Variants in PKD1 observed in about 807,000 individuals in gnomAD.
PKD1 encodes the protein polycystin-1.
A neutral mutation model predicts 361.7 loss-of-function variants in PKD1; 81 were observed. The ratio of observed to expected loss-of-function variants is 0.22; its 90% CI spans 0.19 to 0.27. The LOEUF is 0.27. PKD1 is among the 10% of genes least tolerant of loss of function. The probability of loss-of-function intolerance (pLI) is 1.00; values close to 1 mark genes in which losing one functional copy is unlikely to be tolerated. For synonymous variants in PKD1, 3,615 were observed against 2,818.3 expected (o/e 1.28, Z -8.95); for missense variants, 6,399 against 6,118.3 (o/e 1.05, Z -1.53).
At position 2,108,908 on chromosome 16, in the gene PKD1, G is replaced by C; in HGVS notation, c.6259C>G (p.Pro2087Ala). 6.3e-7 allele frequency: 1 copy of C among 1,586,114 alleles called. No individual in the cohort carries two copies. Among genetic ancestry groups the C allele is most frequent in the Non-Finnish European group, 8.6e-7 (1 of 1,167,926 alleles). ...TCCCAGTGGTAGGCCACACGCCGGGGGCTGGGGCTGGTGGCGGCCTCAAAC... is the reference window on the plus strand; with the variant it reads ...TCCCAGTGGTAGGCCACACGCCGGGCGCTGGGGCTGGTGGCGGCCTCAAAC... ...AQFEAATSPS[P>A]RRVAYHWDFG... The change falls in exon 15 of 46, where the codon CCC (proline) becomes GCC (alanine). Residue 2087 changes from proline to alanine, a missense_variant. Transcript: ENST00000262304.
intron 34 of PKD1, among the ~76,000 whole-genome samples, chr16:2,096,576 C>T (rs939990492): frequency 2.0e-5 from 3 of 152,014 alleles, no homozygotes; most frequent in South Asian, 2.1e-4. Flanking sequence ...AGTGCAGTGG[C>T]GCGATCTCGG....
rs1339105279 is a variant in PKD1 at position 2,114,814 on chromosome 16, C to T, written c.2209G>A (p.Gly737Ser). The change falls in exon 11 of 46, where the codon GGT (glycine) becomes AGT (serine). Residue 737 changes from glycine to serine, a missense_variant. By Grantham distance (56) the Gly-to-Ser change is moderately conservative. Coordinates refer to ENST00000262304, the MANE Select transcript of PKD1 (RefSeq NM_001009944.3). The part of the protein sequence containing the change: ...LHCSPAPGHP[G>S]PRAPYLSANA... ...GCGGAGAGGTACGGGGCCCGGGGAC[C>T]AGGGTGGCCGGGAGCCGGCGAGCAG... 1 of 1,056,404 alleles carries T rather than the reference C, an allele frequency of 9.5e-7. No homozygotes were observed. The highest frequency in any genetic ancestry group is 2.0e-5 in the Admixed American group (1 of 49,878). The allele number at this position is 1,056,404 out of a possible 1,614,324, so 65.4% of individuals were successfully genotyped here. A position where few individuals can be genotyped will look rare whatever the true frequency, so the allele number is the denominator to read the frequency against.
Position 2,115,588 on chromosome 16 carries a change from G to T in PKD1, c.1887C>A (p.Ser629=). 6.3e-7 allele frequency: 1 copy of T among 1,595,454 alleles called. No homozygotes were observed. The highest frequency in any genetic ancestry group is 2.2e-5 in the East Asian group (1 of 44,640). ...GGGCCAGCTGGGTCCTGTTGTCCGG[G>T]GACCTGCTCTCAGGCTCGCTGCCGT... ...PENGSEPESR[S]PDNRTQLAPA... The change falls in exon 10 of 46, where the codon TCC becomes TCA. Residue 629 remains serine (S), a synonymous_variant. Transcript: ENST00000262304.
rs2092421676 is a variant in PKD1 at position 2,108,619 on chromosome 16, G to C, written c.6548C>G (p.Thr2183Ser). Residue 2183 changes from threonine (T) to serine (S), a missense_variant, in exon 15 of 46, where the codon ACT becomes AGT. Coordinates refer to ENST00000262304, the MANE Select transcript of PKD1 (RefSeq NM_001009944.3). ...VDLRDCVTYQ[T>S]EYRWEVYRTA... ...GCGATACACCTCCCAGCGGTACTCA[G>C]TCTGGTAGGTGACGCAGTCGCGCAG... 2 of 1,559,642 alleles carry C rather than the reference G, an allele frequency of 1.3e-6. No homozygotes were observed. The highest frequency in any genetic ancestry group is 8.7e-7 in the Non-Finnish European group (1 of 1,152,776).
Position 2,111,676 on chromosome 16 carries a change from C to T in PKD1, c.3491G>A (p.Gly1164Glu). 1 of 1,577,316 alleles carries T rather than the reference C, an allele frequency of 6.3e-7. No homozygotes were observed. Among genetic ancestry groups the T allele is most frequent in the Non-Finnish European group, 8.6e-7 (1 of 1,163,050 alleles). Reference protein sequence around the residue: ...PGGVLYTWDFGDGSPVLTQSQ... With the variant: ...PGGVLYTWDFEDGSPVLTQSQ... Reference sequence around the variant, plus strand: ...CTGGGTCAGGACAGGGGAGCCGTCCCCGAAGTCCCACGTGTAAAGAACACC... The same window carrying T: ...CTGGGTCAGGACAGGGGAGCCGTCCTCGAAGTCCCACGTGTAAAGAACACC... Residue 1164 changes from glycine to glutamate, a missense_variant, in exon 15 of 46, where the codon GGG (glycine) becomes GAG (glutamate). Coordinates refer to ENST00000262304, the MANE Select transcript of PKD1 (RefSeq NM_001009944.3).
Position 2,090,871 on chromosome 16 carries a change from G to A in PKD1, c.12003+13C>T, listed in dbSNP as rs748586150. 1.2e-4 allele frequency: 187 copies of A among 1,605,946 alleles called. 1 individual carries two copies. Among genetic ancestry groups the A allele is most frequent in the Non-Finnish European group, 1.4e-4 (169 of 1,179,662 alleles). Reference sequence around the variant, plus strand: ...TGTGCGCCCAGCCCCGCGCCCACCGGCCCAGCCCTCACCTTGACCAAAAGC... The same window carrying A: ...TGTGCGCCCAGCCCCGCGCCCACCGACCCAGCCCTCACCTTGACCAAAAGC... On this transcript the variant is annotated intron_variant, in intron 43 of 45. Transcript: ENST00000262304.
chr16:2,089,494 G>C lies in PKD1; in HGVS notation c.*233C>G, dbSNP rs1339480270. 5 of 592,268 alleles carry C rather than the reference G, an allele frequency of 8.4e-6. No individual in the cohort carries two copies. The highest frequency in any genetic ancestry group is 1.5e-5 in the Non-Finnish European group (5 of 332,194). The allele number at this position is 592,268 out of a possible 1,614,324, so 36.7% of individuals were successfully genotyped here. A position where few individuals can be genotyped will look rare whatever the true frequency, so the allele number is the denominator to read the frequency against. ...ATTAGCATCTCAGAGGCTAGAAACC[G>C]TCCAATACTGCTGTGTCCTTCCCAA... On this transcript the variant is annotated 3_prime_UTR_variant, in exon 46 of 46. Transcript: ENST00000262304.
chr16:2,107,748 G>A (rs1049189381), intron 16 of PKD1, 135 bp downstream of exon 16: 13 of 827,020 alleles, frequency 1.6e-5, no homozygotes, highest in Middle Eastern at 3.4e-4. Context: ...AGGCTGTCGT[G>A]TTACATAGAA....
intron 34 of PKD1, 39 bp from the exon 35 acceptor site, chr16:2,094,249 C>CA: frequency 7.6e-7 from 1 of 1,316,938 alleles, no homozygotes; most frequent in East Asian, 2.3e-5. Context: ...TCCCGGCCTC[C>CA]AGGAGGCAGT....
intron 42 of PKD1, 48 bp downstream of exon 42, chr16:2,091,375 G>C (rs1236835488): frequency 9.6e-7 from 1 of 1,043,116 alleles, no homozygotes; most frequent in Non-Finnish European, 1.2e-6. Context: ...GCGAGGGGGC[G>C]GGACGCTGCC....
intron 37 of PKD1, 126 bp from the exon 38 acceptor site, chr16:2,093,219 C>A: frequency 8.7e-7 from 1 of 1,152,692 alleles, no homozygotes; most frequent in Non-Finnish European, 1.3e-6. Context: ...CAGGGGGCGC[C>A]CCAAGACTCT....
At position 2,103,626 on chromosome 16, in the gene PKD1, C is replaced by T; in HGVS notation, c.8431G>A (p.Ala2811Thr). 6.2e-7 allele frequency: 1 copy of T among 1,610,484 alleles called. No individual in the cohort carries two copies. Among genetic ancestry groups the T allele is most frequent in the Non-Finnish European group, 8.5e-7 (1 of 1,179,724 alleles). Residue 2811 changes from alanine (A) to threonine (T), a missense_variant, in exon 23 of 46, where the codon GCT becomes ACT. Transcript: ENST00000262304. The stretch of plus-strand genomic sequence containing the variant: ...AGGTTGGCCAGGGCCCCGCTGAAAG[C>T]CTCGGGGATGGAGAAGTGGCAGCCA... ...GPGCHFSIPE[A>T]FSGALANLSD...
chr16:2,097,612 G>C lies in PKD1; in HGVS notation c.10221-109C>G, dbSNP rs1419574295. 1.7e-5 allele frequency: 27 copies of C among 1,610,126 alleles called. No individual in the cohort carries two copies. In the African/African-American group the frequency reaches 2.1e-4, roughly 13 times the overall value. On this transcript the variant is annotated intron_variant, in intron 32 of 45. Coordinates refer to ENST00000262304, the MANE Select transcript of PKD1 (RefSeq NM_001009944.3). ...GGGCTTCCGAGCAAACCTGCTCCCG[G>C]GTGGTGTGACCACATGGAGCCACAG...
rs145583387 is a variant in PKD1 at position 2,109,725 on chromosome 16, G to T, written c.5442C>A (p.Gly1814=). 1 of 1,607,010 alleles carries T rather than the reference G, an allele frequency of 6.2e-7. No homozygotes were observed. The highest frequency in any genetic ancestry group is 8.5e-7 in the Non-Finnish European group (1 of 1,178,232). ...GLSIRASEPG[G]SFVAAGSSVP... ...CAGAGGACCCGGCCGCCACGAAGCT[G>T]CCTCCGGGCTCGCTGGCCCTGATGC... Residue 1814 remains glycine (G), a synonymous_variant, in exon 15 of 46, where the codon GGC becomes GGA. Coordinates refer to ENST00000262304, the MANE Select transcript of PKD1 (RefSeq NM_001009944.3).
intron 30 of PKD1, chr16:2,098,196 G>C (rs1384167364): frequency 1.7e-6 from 1 of 597,824 alleles, no homozygotes; most frequent in African/African-American, 1.9e-5. Flanking sequence ...GTGCAGCTAA[G>C]GAACAGAGTT....
chr16:2,090,126 T>C lies in PKD1; in HGVS notation c.12513A>G (p.Val4171=). The change falls in exon 46 of 46, where the codon GTA becomes GTG. Residue 4171 remains valine (V), a synonymous_variant. Coordinates refer to ENST00000262304, the MANE Select transcript of PKD1 (RefSeq NM_001009944.3). ...LPSRSSRGSK[V]SPDVPPPSAG... is the part of the protein sequence containing the mutation. ...CGCTGGGTGGGGGCACATCCGGGGA[T>C]ACCTTGGAGCCCCTGGAGGAGCGAG... 1 of 1,599,224 alleles carries C rather than the reference T, an allele frequency of 6.3e-7. No individual in the cohort carries two copies. Among genetic ancestry groups the C allele is most frequent in the Non-Finnish European group, 8.5e-7 (1 of 1,171,410 alleles).
Position 2,097,945 on chromosome 16 carries a change from C to T in PKD1, c.10090G>A (p.Val3364Met). ...SPSPTPAGQQ[V>M]LDIDSCLDSS... ...TCCAGGCAGCTGTCGATGTCCAGCA[C>T]CTGCTGCCCGGCAGGTGTGGGGCTC... is the stretch of plus-strand genomic sequence containing the variant. Residue 3364 changes from valine (V) to methionine (M), a missense_variant, in exon 31 of 46, where the codon GTG (valine) becomes ATG (methionine). Transcript: ENST00000262304. 6.2e-7 allele frequency: 1 copy of T among 1,602,912 alleles called. No individual in the cohort carries two copies.
At chr16:2,135,191 GT>G (rs2092936165) in intron 1 of PKD1, 1 of 979,296 alleles carries the variant, frequency 1.0e-6, no homozygotes, top group South Asian at 4.7e-5. Context: ...ATTAGCGACT[GT>G]TTGTCCTCCC....
At position 2,104,610 on chromosome 16, in the gene PKD1, G is replaced by A. The variant is rs377029031; in HGVS notation, c.8049C>T (p.Cys2683=). ...GPSRELVCRS[C]LKQTLHKLEA... ...CCAGCTTGTGCAGCGTCTGCTTCAG[G>A]CACGAGCGGCATACGAGCTCCCTGC... Residue 2683 remains cysteine (C), a synonymous_variant, in exon 22 of 46, where the codon TGC becomes TGT. Coordinates refer to ENST00000262304, the MANE Select transcript of PKD1 (RefSeq NM_001009944.3). 3.0e-5 allele frequency: 47 copies of A among 1,588,418 alleles called. No individual in the cohort carries two copies. Among genetic ancestry groups the A allele is most frequent in the Middle Eastern group, 2.3e-4 (1 of 4,432 alleles).
Sources: gnomAD v4.1 joint callset for allele counts (sites outside exome capture counted in the v4.1 genomes callset) on GRCh38, gnomAD v4.1.1 for gene constraint, MANE v1.5 for transcripts, NCBI Gene and HGNC (gene_info 2026-07-23, HGNC 2026-07-21) for gene names.